Variants in CRPPA observed in about 807,000 individuals in gnomAD.
The protein encoded by CRPPA is CDP-L-ribitol pyrophosphorylase A.
Under a neutral mutation model 52.0 loss-of-function variants are expected in CRPPA, and 43 were observed. That is an observed-to-expected ratio of 0.83 (90% CI 0.65 to 1.07). The LOEUF (loss-of-function observed/expected upper bound fraction) is 1.07. Among genes scored for constraint, CRPPA ranks in the 50% least tolerant of loss-of-function variants. The pLI is 0.00. For synonymous variants in CRPPA, 250 were observed against 203.5 expected (o/e 1.23, Z -1.94); for missense variants, 629 against 551.7 (o/e 1.14, Z -1.40).
chr7:16,295,796 A>G (rs1484179361), intron 5 of CRPPA, among the ~76,000 whole-genome samples: 1 of 152,158 alleles, frequency 6.6e-6, no homozygotes, highest in Non-Finnish European at 1.5e-5. Flanking sequence ...CTGAGCATGC[A>G]GAGCAGACTT....
intron 3 of CRPPA, among the ~76,000 whole-genome samples, chr7:16,360,486 C>T (rs893587282): frequency 5.3e-5 from 8 of 152,076 alleles, no homozygotes; most frequent in Admixed American, 4.6e-4. Context: ...TCACACTAAT[C>T]GAAACAGTGT....
intron 9 of CRPPA, among the ~76,000 whole-genome samples, chr7:16,187,229 A>G (rs1201352757): frequency 6.6e-6 from 1 of 152,166 alleles, no homozygotes; most frequent in African/African-American, 2.4e-5. Context: ...AAGCATATGT[A>G]CTACATTGTT....
chr7:16,332,713 C>A (rs1785582651), intron 3 of CRPPA, among the ~76,000 whole-genome samples: 1 of 151,872 alleles, frequency 6.6e-6, no homozygotes, highest in Non-Finnish European at 1.5e-5. Flanking sequence ...AAAAACAAGG[C>A]AGAAAAACAC....
At position 16,301,472 on chromosome 7, in the gene CRPPA, G is replaced by C; in HGVS notation, c.790-6C>G. On this transcript the variant is annotated splice_region_variant and splice_polypyrimidine_tract_variant and intron_variant, in intron 4 of 9. Transcript: ENST00000407010. ...AGATCTCGTTTGTAGGTCACCTAAA[G>C]GACAGATAAACTTCATTAGACTTAA... The C allele has an allele frequency of 6.2e-7, 1 of 1,609,246 alleles. No homozygotes were observed. Among genetic ancestry groups the C allele is most frequent in the African/African-American group, 1.3e-5 (1 of 74,938 alleles).
chr7:16,221,281 T>C (rs1309121033), intron 8 of CRPPA, among the ~76,000 whole-genome samples: 3 of 152,124 alleles, frequency 2.0e-5, no homozygotes, highest in Non-Finnish European at 2.9e-5. Flanking sequence ...TTACACCTTA[T>C]ACAAAAATCA....
intron 9 of CRPPA, among the ~76,000 whole-genome samples, chr7:16,101,522 C>G (rs1782044524): frequency 6.6e-6 from 1 of 151,668 alleles, no homozygotes; most frequent in Non-Finnish European, 1.5e-5. Context: ...TTTATTGCAT[C>G]TATATGATTC....
chr7:16,160,658 G>T (rs1232314770), intron 9 of CRPPA, among the ~76,000 whole-genome samples: 1 of 152,058 alleles, frequency 6.6e-6, no homozygotes, highest in Non-Finnish European at 1.5e-5. Flanking sequence ...CTCTTTTTTG[G>T]TTCAATATGA....
chr7:16,158,222 T>A (rs1783228026), intron 9 of CRPPA, among the ~76,000 whole-genome samples: 13 of 152,014 alleles, frequency 8.6e-5, no homozygotes. Context: ...CATCCCAGAG[T>A]AGGAATCACC....
At chr7:16,374,731 G>T (rs989232834) in intron 3 of CRPPA, among the ~76,000 whole-genome samples, 5 of 151,928 alleles carry the variant, frequency 3.3e-5, no homozygotes, top group African/African-American at 1.2e-4. Context: ...TAATGCAGTA[G>T]GTCCCATCCA....
intron 2 of CRPPA, among the ~76,000 whole-genome samples, chr7:16,379,879 G>A (rs903716978): frequency 3.9e-5 from 6 of 152,132 alleles, no homozygotes; most frequent in African/African-American, 1.4e-4. Flanking sequence ...TCACCTTAAG[G>A]AGATTTTGGG....
chr7:16,328,732 C>G (rs1785476009), intron 3 of CRPPA, among the ~76,000 whole-genome samples: 1 of 152,134 alleles, frequency 6.6e-6, no homozygotes, highest in African/African-American at 2.4e-5. Context: ...CCAGGCTGGT[C>G]TTGAACTCCT....
intron 3 of CRPPA, among the ~76,000 whole-genome samples, chr7:16,355,155 C>A (rs895638912): frequency 6.6e-6 from 1 of 152,078 alleles, no homozygotes; most frequent in African/African-American, 2.4e-5. Context: ...TATTGTAATC[C>A]GACTAACTTA....
chr7:16,120,093 C>T (rs529058543), intron 9 of CRPPA, among the ~76,000 whole-genome samples: 2 of 152,196 alleles, frequency 1.3e-5, no homozygotes, highest in South Asian at 4.1e-4. Flanking sequence ...ATTAAAAAGC[C>T]ATAAAGAAGA....
At chr7:16,408,121 AT>A (rs201378838) in intron 1 of CRPPA, among the ~76,000 whole-genome samples, 5,121 of 144,550 alleles carry the variant, frequency 0.035, 186 homozygotes, top group African/African-American at 0.09. Context: ...AAAAAAAAAA[AT>A]AAAAAAATAA....
At chr7:16,200,192 A>G (rs1438510651) in intron 9 of CRPPA, among the ~76,000 whole-genome samples, 1 of 152,114 alleles carries the variant, frequency 6.6e-6, no homozygotes, top group Admixed American at 6.6e-5. Flanking sequence ...CTTTGCTTCT[A>G]CGGACGTTAC....
intron 9 of CRPPA, among the ~76,000 whole-genome samples, chr7:16,192,787 C>T (rs967526109): frequency 5.9e-5 from 9 of 152,220 alleles, no homozygotes; most frequent in Non-Finnish European, 1.3e-4. Flanking sequence ...CTCTAACAAA[C>T]GTTTCCAATT....
intron 8 of CRPPA, among the ~76,000 whole-genome samples, chr7:16,250,983 C>T: frequency 6.6e-6 from 1 of 151,890 alleles, no homozygotes; most frequent in East Asian, 1.9e-4. Context: ...GGAGACCCAT[C>T]TCACATGCAA....
At chr7:16,109,934 T>A (rs574049528) in intron 9 of CRPPA, among the ~76,000 whole-genome samples, 3 of 152,150 alleles carry the variant, frequency 2.0e-5, no homozygotes, top group Non-Finnish European at 4.4e-5. Flanking sequence ...TATAGAATAT[T>A]GGAAGTCCCT....
At chr7:16,304,898 CTT>C (rs1282259589) in intron 4 of CRPPA, among the ~76,000 whole-genome samples, 1 of 152,144 alleles carries the variant, frequency 6.6e-6, no homozygotes, top group Non-Finnish European at 1.5e-5. Context: ...CCAAATATGT[CTT>C]TTACTGTCAG....
Sources: gnomAD v4.1 joint callset for allele counts (sites outside exome capture counted in the v4.1 genomes callset) on GRCh38, gnomAD v4.1.1 for gene constraint, MANE v1.5 for transcripts, NCBI Gene and HGNC (gene_info 2026-07-23, HGNC 2026-07-21) for gene names.